PALM2AKAP2: variants seen among roughly 807,000 people sequenced by gnomAD.
The protein encoded by PALM2AKAP2 is PALM2-AKAP2 fusion protein.
A neutral mutation model predicts 71.5 loss-of-function variants in PALM2AKAP2; 37 were observed. That is an observed-to-expected ratio of 0.52 (90% CI 0.40 to 0.68). The LOEUF (loss-of-function observed/expected upper bound fraction) is 0.68. Ranked by LOEUF, PALM2AKAP2 falls within the 30% of genes least tolerant of loss-of-function variation. PALM2AKAP2 has a pLI of 0.00. For missense variants in PALM2AKAP2, 1,224 were observed against 1,191.8 expected (o/e 1.03, Z -0.40); for synonymous variants, 468 against 478.8 (o/e 0.98, Z 0.29).
chr9:110,077,203 T>A (rs1007370969), intron 1 of PALM2AKAP2, among the ~76,000 whole-genome samples: 1 of 152,154 alleles, frequency 6.6e-6, no homozygotes, highest in Non-Finnish European at 1.5e-5. Flanking sequence ...GAGCCTTGGT[T>A]CCTTTATCTG....
intron 1 of PALM2AKAP2, among the ~76,000 whole-genome samples, chr9:109,652,518 C>A (rs1414604156): frequency 3.3e-5 from 5 of 152,186 alleles, no homozygotes; most frequent in Admixed American, 6.5e-5. Context: ...CCAAATAAAT[C>A]TGTTTTCCTT....
intron 6 of PALM2AKAP2, among the ~76,000 whole-genome samples, chr9:109,996,764 T>A (rs1437031693): frequency 6.6e-6 from 1 of 152,208 alleles, no homozygotes; most frequent in East Asian, 1.9e-4. Context: ...TGCCCAGATA[T>A]GCATCTGTGT....
chr9:110,061,790 C>T (rs1245674239), intron 1 of PALM2AKAP2, among the ~76,000 whole-genome samples: 2 of 140,696 alleles, frequency 1.4e-5, no homozygotes, highest in Non-Finnish European at 3.0e-5. Context: ...CTGCCTGCCT[C>T]GGCCTCCCAA....
rs1252586476 is a variant in PALM2AKAP2, at chr9:109,852,688, G to A, written c.46-14803G>A. Among the ~76,000 whole-genome samples the A allele has an allele frequency of 5.3e-5, 8 of 152,238 alleles. No individual in the cohort carries two copies. The South Asian group carries it at 8.3e-4, about 16-fold the overall frequency. ...GTTCCCTTTTCTCTGCAACCTCACC[G>A]ACATCTGTTGTTTTTTGACGTTTTA... On this transcript the variant is annotated intron_variant, in intron 1 of 9. Transcript: ENST00000302798.
intron 1 of PALM2AKAP2, among the ~76,000 whole-genome samples, chr9:109,705,357 A>T (rs1828126219): frequency 6.6e-6 from 1 of 152,050 alleles, no homozygotes. Context: ...CTTCTCTGGG[A>T]CTTTCCTTGG....
chr9:109,946,324 A>C (rs1446717089), intron 6 of PALM2AKAP2: 1 of 152,180 alleles, frequency 6.6e-6, no homozygotes, highest in East Asian at 1.9e-4. Context: ...AAACTAATTA[A>C]AGAATCAGTA....
chr9:109,732,195 A>G (rs1176792757), intron 1 of PALM2AKAP2, among the ~76,000 whole-genome samples: 1 of 152,230 alleles, frequency 6.6e-6, no homozygotes, highest in African/African-American at 2.4e-5. Context: ...TGCACGTAAG[A>G]ATAGCATTCC....
chr9:109,979,284 C>A lies in PALM2AKAP2; in HGVS notation c.497-36670C>A, dbSNP rs551829001. Among the ~76,000 whole-genome samples, 28 of 152,312 alleles carry A rather than the reference C, an allele frequency of 1.8e-4. No individual in the cohort carries two copies. The South Asian group carries it at 3.7e-3, about 20-fold the overall frequency. Reference sequence around the variant, plus strand: ...CTGGGATTACAAGTGTTAGCCATTGCGCCTGGTCTCAGGTCTCCTCTTTCT... The same window carrying A: ...CTGGGATTACAAGTGTTAGCCATTGAGCCTGGTCTCAGGTCTCCTCTTTCT... On this transcript the variant is annotated intron_variant, in intron 6 of 9. Transcript: ENST00000302798.
intron 1 of PALM2AKAP2, among the ~76,000 whole-genome samples, chr9:109,695,808 GTGGGAGC>G (rs1827960866): frequency 6.6e-6 from 1 of 152,152 alleles, no homozygotes; most frequent in Non-Finnish European, 1.5e-5. Flanking sequence ...TCACTCATAT[GTGGGAGC>G]TAAAACCGTA....
chr9:110,136,513 C>A, exon 2 of PALM2AKAP2: 1 of 1,613,904 alleles, frequency 6.2e-7, no homozygotes, highest in Non-Finnish European at 8.5e-7. Flanking sequence ...GCCTAAGCCC[C>A]CCTGTCCACG....
chr9:109,857,379 T>C (rs10816900), intron 1 of PALM2AKAP2, among the ~76,000 whole-genome samples: 43,655 of 152,124 alleles, frequency 0.29, 6,687 homozygotes, highest in East Asian at 0.46. Flanking sequence ...TTGAAAGAAA[T>C]GAATATATTG....
intron 1 of PALM2AKAP2, among the ~76,000 whole-genome samples, chr9:109,652,430 G>A (rs150131433): frequency 1.2e-3 from 184 of 152,232 alleles, no homozygotes; most frequent in Admixed American, 5.7e-3. Context: ...ACCTTCTGCC[G>A]TGAGTGGAAG....
chr9:109,706,885 G>A (rs1334351451), intron 1 of PALM2AKAP2, among the ~76,000 whole-genome samples: 1 of 152,130 alleles, frequency 6.6e-6, no homozygotes, highest in East Asian at 1.9e-4. Context: ...TAGATTAGTG[G>A]TTTCCTAGAG....
intron 1 of PALM2AKAP2, among the ~76,000 whole-genome samples, chr9:109,717,204 C>G (rs1348654489): frequency 6.6e-6 from 1 of 152,126 alleles, no homozygotes; most frequent in East Asian, 1.9e-4. Context: ...AATGAGGACA[C>G]CAGCTTAAAG....
chr9:109,772,282 GTCT>G (rs761278311), intron 1 of PALM2AKAP2, among the ~76,000 whole-genome samples: 3 of 152,126 alleles, frequency 2.0e-5, no homozygotes, highest in Admixed American at 6.5e-5. Context: ...GGCTACCACC[GTCT>G]TCTTCCAGGG....
At chr9:110,024,234 C>T (rs1833131931) in intron 7 of PALM2AKAP2, among the ~76,000 whole-genome samples, 1 of 152,128 alleles carries the variant, frequency 6.6e-6, no homozygotes, top group Non-Finnish European at 1.5e-5. Context: ...AAATAATTTC[C>T]ATCATTCCAA....
In PALM2AKAP2 at chr9:110,162,087, C is replaced by G. The variant is rs745955856; in HGVS notation, c.2748+5590C>G. 6 of 1,613,972 alleles carry G rather than the reference C, an allele frequency of 3.7e-6. No individual in the cohort carries two copies. The South Asian group carries it at 5.5e-5, about 15-fold the overall frequency. ...GTACTAACCCTGGTCTTTTCCCTCT[C>G]TGCCAGTACACTTCTAAGTTACTGT... On this transcript the variant is annotated intron_variant, in intron 3 of 3. Transcript: ENST00000374525.
At chr9:109,972,555 T>C (rs1411380333) in intron 6 of PALM2AKAP2, among the ~76,000 whole-genome samples, 2 of 152,198 alleles carry the variant, frequency 1.3e-5, no homozygotes, top group African/African-American at 2.4e-5. Context: ...CTGGATGACC[T>C]TTAGCGTATT....
At chr9:109,834,555 G>A (rs1400278504) in intron 1 of PALM2AKAP2, among the ~76,000 whole-genome samples, 1 of 152,092 alleles carries the variant, frequency 6.6e-6, no homozygotes, top group African/African-American at 2.4e-5. Flanking sequence ...TTGGGGGATT[G>A]CCTTGGAAAA....
Sources: gnomAD v4.1 joint callset for allele counts (sites outside exome capture counted in the v4.1 genomes callset) on GRCh38, gnomAD v4.1.1 for gene constraint, MANE v1.5 for transcripts, NCBI Gene and HGNC (gene_info 2026-07-23, HGNC 2026-07-21) for gene names.